Variants in BAG6 observed in about 807,000 individuals in gnomAD.
The protein encoded by BAG6 is BAG cochaperone 6.
In BAG6, 22 loss-of-function variants were observed where a neutral mutation model predicts 121.0. The observed-to-expected ratio is 0.18, with a 90% CI of 0.13 to 0.26. BAG6 has a LOEUF of 0.26. BAG6 is among the 10% of genes least tolerant of loss of function. The pLI is 1.00. For missense variants in BAG6, 1,233 were observed against 1,537.7 expected (o/e 0.80, Z 3.31); for synonymous variants, 583 against 584.6 (o/e 1.00, Z 0.04).
rs141179629 is a variant in BAG6 at position 31,639,171 on chromosome 6, C to T, written c.3449G>A (p.Arg1150His). ...LQEDPNYSPQRFPNAQRAFAD... is the reference protein window; with the variant it reads ...LQEDPNYSPQHFPNAQRAFAD... ...AAAGGCCCGCTGGGCATTGGGGAAGCGCTGGGGACTGTAGTTGGGGTCTTC... is the reference window on the plus strand; with the variant it reads ...AAAGGCCCGCTGGGCATTGGGGAAGTGCTGGGGACTGTAGTTGGGGTCTTC... The change falls in exon 26 of 26, where the codon CGC becomes CAC. Residue 1150 changes from arginine to histidine, a missense_variant. Coordinates refer to ENST00000676615, the MANE Select transcript of BAG6 (RefSeq NM_001387994.1). The T allele has an allele frequency of 9.3e-6, 15 of 1,613,840 alleles. No homozygotes were observed. The highest frequency in any genetic ancestry group is 2.2e-5 in the South Asian group (2 of 91,068).
At position 31,641,658 on chromosome 6, in the gene BAG6, C is replaced by T. The variant is rs546227412; in HGVS notation, c.2506-66G>A. The T allele has an allele frequency of 2.6e-5, 42 of 1,612,038 alleles. No individual in the cohort carries two copies. Among genetic ancestry groups the T allele is most frequent in the Non-Finnish European group, 3.5e-5 (41 of 1,178,130 alleles). On this transcript the variant is annotated intron_variant, in intron 17 of 25. Transcript: ENST00000676615. This position sits in a 1 kb window ranked among gnomAD's most constrained non-coding sequence, Gnocchi z 5.7. ...CCTCCCAAGACTTCCACCTCGACCC[C>T]AACAAGTCCAGGGCTTGTGTGGGGG...
chr6:31,650,681 A>G (rs1201305583), intron 2 of BAG6, among the ~76,000 whole-genome samples: 93 of 151,690 alleles, frequency 6.1e-4, no homozygotes, highest in African/African-American at 2.1e-3. Context: ...AAAAAAAAAA[A>G]GCAAAAAGAG....
At chr6:31,642,511 G>A in intron 15 of BAG6, 108 bp from the exon 16 acceptor site, 1 of 651,992 alleles carries the variant, frequency 1.5e-6, no homozygotes, top group South Asian at 1.9e-5. Flanking sequence ...GGAAGATGGG[G>A]AGTTACATTC....
chr6:31,651,893 C>CAT (rs1289672695), intron 1 of BAG6, 117 bp from the exon 2 acceptor site: 1 of 670,978 alleles, frequency 1.5e-6, no homozygotes, highest in African/African-American at 1.8e-5. Flanking sequence ...CACACACACA[C>CAT]ATTCACACCT....
At chr6:31,651,442 G>A (rs1480841418) in intron 2 of BAG6, among the ~76,000 whole-genome samples, 1 of 152,148 alleles carries the variant, frequency 6.6e-6, no homozygotes, top group South Asian at 2.1e-4. Flanking sequence ...AGGAGGCTGA[G>A]ATAGGAAAAT....
Position 31,644,200 on chromosome 6 carries a change from G to C in BAG6, c.1556-6C>G. The stretch of plus-strand genomic sequence containing the variant: ...GAAGCCTGGCACCTGCTGTCCTGTG[G>C]GTGGCAGAAGAGACAGACCGAAGAG... On this transcript the variant is annotated splice_region_variant and splice_polypyrimidine_tract_variant and intron_variant, in intron 12 of 25. Coordinates refer to ENST00000676615, the MANE Select transcript of BAG6 (RefSeq NM_001387994.1). The surrounding 1 kb of genome is among the most constrained non-coding windows in gnomAD (Gnocchi z 4.9). The C allele has an allele frequency of 1.2e-6, 2 of 1,611,902 alleles. No homozygotes were observed. The highest frequency in any genetic ancestry group is 1.7e-6 in the Non-Finnish European group (2 of 1,179,246).
intron 15 of BAG6, 105 bp downstream of exon 15, chr6:31,642,724 T>G: frequency 7.6e-7 from 1 of 1,323,722 alleles, no homozygotes; most frequent in South Asian, 1.3e-5. Context: ...CCCTAACATG[T>G]CACTAGGGGC....
At chr6:31,649,077 T>C (rs1793433697) in intron 4 of BAG6, 113 bp from the exon 5 acceptor site, 8 of 1,498,444 alleles carry the variant, frequency 5.3e-6, no homozygotes, top group Admixed American at 3.8e-5. Context: ...CTGAGACCAA[T>C]AGCACACCAC....
In BAG6 at chr6:31,644,186, C is replaced by T; in HGVS notation, c.1564G>A (p.Val522Met). 6.2e-7 allele frequency: 1 copy of T among 1,613,228 alleles called. No homozygotes were observed. The highest frequency in any genetic ancestry group is 8.5e-7 in the Non-Finnish European group (1 of 1,179,744). The change falls in exon 13 of 26, where the codon GTG becomes ATG. Residue 522 changes from valine (V) to methionine (M), a missense_variant. Physicochemically the swap from Val to Met is conservative, Grantham distance 21. Coordinates refer to ENST00000676615, the MANE Select transcript of BAG6 (RefSeq NM_001387994.1). The surrounding 1 kb of genome is among the most constrained non-coding windows in gnomAD (Gnocchi z 4.9). ...AVASAAAGQQVPGFPTAPTRV... is the reference protein window; with the variant it reads ...AVASAAAGQQMPGFPTAPTRV... ...GTTGGAGCTGTTGGGAAGCCTGGCA[C>T]CTGCTGTCCTGTGGGTGGCAGAAGA... is the stretch of plus-strand genomic sequence containing the variant.
At position 31,641,077 on chromosome 6, in the gene BAG6, A is replaced by T; in HGVS notation, c.2787+27T>A. ...TGGAAACCTCAGGAAACAAAAGGCT[A>T]AGGATCTGGGGCTAGGTGGTGCTTA... On this transcript the variant is annotated intron_variant, in intron 20 of 25. Transcript: ENST00000676615. This position sits in a 1 kb window ranked among gnomAD's most constrained non-coding sequence, Gnocchi z 5.7. 1 of 1,612,198 alleles carries T rather than the reference A, an allele frequency of 6.2e-7. No individual in the cohort carries two copies. Among genetic ancestry groups the T allele is most frequent in the Non-Finnish European group, 8.5e-7 (1 of 1,179,502 alleles).
At chr6:31,646,623 C>T (rs971772601) in intron 7 of BAG6, 100 bp from the exon 8 acceptor site, 1 of 1,492,814 alleles carries the variant, frequency 6.7e-7, no homozygotes, top group East Asian at 2.3e-5. Flanking sequence ...CCTGGTCTCC[C>T]AGAGCCCTGG....
chr6:31,640,975 T>A lies in BAG6; in HGVS notation c.2788-37A>T, dbSNP rs1782160860. 6.2e-7 allele frequency: 1 copy of A among 1,604,906 alleles called. No individual in the cohort carries two copies. Among genetic ancestry groups the A allele is most frequent in the African/African-American group, 1.3e-5 (1 of 74,440 alleles). On this transcript the variant is annotated intron_variant, in intron 20 of 25. Transcript: ENST00000676615. The surrounding 1 kb of genome is among the most constrained non-coding windows in gnomAD (Gnocchi z 4.2). Reference sequence around the variant, plus strand: ...AAAGCAGATTTAGAACACAAAACCCTCAACCACCTTTAGAAATAGATTAGA... The same window carrying A: ...AAAGCAGATTTAGAACACAAAACCCACAACCACCTTTAGAAATAGATTAGA...
At chr6:31,650,337 C>T (rs1408573224) in intron 2 of BAG6, among the ~76,000 whole-genome samples, 1 of 151,922 alleles carries the variant, frequency 6.6e-6, no homozygotes, top group Non-Finnish European at 1.5e-5. Flanking sequence ...GGTCTGGTAT[C>T]AGGTTAATGA....
intron 2 of BAG6, among the ~76,000 whole-genome samples, chr6:31,650,090 G>A (rs1794681495): frequency 6.6e-6 from 1 of 151,782 alleles, no homozygotes; most frequent in Admixed American, 6.6e-5. Context: ...GACAGAGAGG[G>A]ACTCCATCTC....
Position 31,643,036 on chromosome 6 carries a change from G to C in BAG6, c.1836C>G (p.Thr612=), listed in dbSNP as rs1784517514. 9 of 1,588,688 alleles carry C rather than the reference G, an allele frequency of 5.7e-6. No homozygotes were observed. The highest frequency in any genetic ancestry group is 1.3e-5 in the African/African-American group (1 of 74,798). ...GCCCCCCAGGAGCGGGGCCAGCTGTGGTAGCTGTGTTGGTGGTGCCAGCAC... is the reference window on the plus strand; with the variant it reads ...GCCCCCCAGGAGCGGGGCCAGCTGTCGTAGCTGTGTTGGTGGTGCCAGCAC... ...SASAGTTNTA[T]TAGPAPGGPA... is the part of the protein sequence containing the mutation. Residue 612 remains threonine, a synonymous_variant, in exon 15 of 26, where the codon ACC becomes ACG. Transcript: ENST00000676615.
intron 25 of BAG6, 95 bp from the exon 26 acceptor site, chr6:31,639,321 C>T: frequency 6.9e-7 from 1 of 1,452,836 alleles, no homozygotes; most frequent in East Asian, 2.3e-5. Context: ...CTAACATTTC[C>T]CCCCCCAAGC....
At position 31,640,569 on chromosome 6, in the gene BAG6, T is replaced by C. The variant is rs1321680093; in HGVS notation, c.2995-41A>G. 1.9e-6 allele frequency: 3 copies of C among 1,612,524 alleles called. No homozygotes were observed. ...CGGGAAGAGCCAGGCTTCAGAATTT[T>C]TAGCCTCCAAACCTTTCTCCCCCAG... is the stretch of plus-strand genomic sequence containing the variant. On this transcript the variant is annotated intron_variant, in intron 22 of 25. Coordinates refer to ENST00000676615, the MANE Select transcript of BAG6 (RefSeq NM_001387994.1). This position sits in a 1 kb window ranked among gnomAD's most constrained non-coding sequence, Gnocchi z 4.2.
chr6:31,646,315 G>C (rs1583388478), intron 8 of BAG6, 79 bp downstream of exon 8: 1 of 1,547,318 alleles, frequency 6.5e-7, no homozygotes, highest in African/African-American at 1.4e-5. Context: ...GGGAGGGAAA[G>C]AGTTATCTGC....
Position 31,647,473 on chromosome 6 carries a change from C to T in BAG6, c.788+118G>A, listed in dbSNP as rs1683546109. 7 of 1,494,052 alleles carry T rather than the reference C, an allele frequency of 4.7e-6. No individual in the cohort carries two copies. The South Asian group carries it at 7.3e-5, about 16-fold the overall frequency. The allele number at this position is 1,494,052 out of a possible 1,614,324, so 92.5% of individuals were successfully genotyped here. On this transcript the variant is annotated intron_variant, in intron 7 of 25. Coordinates refer to ENST00000676615, the MANE Select transcript of BAG6 (RefSeq NM_001387994.1). ...GAGAGCCCCTCCTCGCCCCTCAATG[C>T]TAACCCTTCAACTAAGACCTCCAAG...
Sources: gnomAD v4.1 joint callset for allele counts (sites outside exome capture counted in the v4.1 genomes callset) on GRCh38, gnomAD v4.1.1 for gene constraint, Gnocchi (gnomAD v3.1) non-coding constraint, MANE v1.5 for transcripts, NCBI Gene and HGNC (gene_info 2026-07-23, HGNC 2026-07-21) for gene names.